Variants in SFMBT2 observed in about 807,000 individuals in gnomAD.
SFMBT2 encodes Scm like with four mbt domains 2.
SFMBT2 carries 38 observed loss-of-function variants against 110.1 expected under a neutral mutation model. The observed-to-expected ratio is 0.35, with a 90% CI of 0.27 to 0.45. The LOEUF is 0.45. Among genes scored for constraint, SFMBT2 ranks in the 20% least tolerant of loss-of-function variants. The pLI is 1.00. For synonymous variants in SFMBT2, 425 were observed against 425.4 expected, an observed-to-expected ratio of 1.00 and a Z score of 0.01; for missense variants, 1,011 against 1,094.9, an observed-to-expected ratio of 0.92 and a Z score of 1.08.
In SFMBT2 at chr10:7,316,883, A is replaced by AAC. The variant is rs34939303; in HGVS notation, c.437-30931_437-30930dup. ...ATGATAACCTCCCTCCCCACACATA[A>AAC]ACACACACACACACACATGCAAACC... On this transcript the variant is annotated intron_variant, in intron 4 of 20. Coordinates refer to ENST00000397167, the MANE Select transcript of SFMBT2 (RefSeq NM_001387889.1). Among the ~76,000 whole-genome samples the AAC allele has an allele frequency of 5.4e-4, 82 of 151,402 alleles. 1 individual carries two copies. The highest frequency in any genetic ancestry group is 8.1e-4 in the Non-Finnish European group (55 of 67,810).
intron 4 of SFMBT2, among the ~76,000 whole-genome samples, chr10:7,316,161 T>C (rs1006558876): frequency 6.6e-6 from 1 of 152,110 alleles, no homozygotes; most frequent in African/African-American, 2.4e-5. Flanking sequence ...ATGTTCTAAT[T>C]AGTGAATGGG....
chr10:7,200,508 A>C, intron 13 of SFMBT2, 24 bp from the exon 14 acceptor site: 1 of 1,578,680 alleles, frequency 6.3e-7, no homozygotes, highest in East Asian at 2.3e-5. Flanking sequence ...AAATAAAACT[A>C]TCAGGGACCA....
At chr10:7,226,111 C>T (rs896654556) in intron 10 of SFMBT2, among the ~76,000 whole-genome samples, 3 of 152,192 alleles carry the variant, frequency 2.0e-5, no homozygotes, top group African/African-American at 2.4e-5. Context: ...GGCAATCCTG[C>T]GGAGAGCCCG....
In SFMBT2 at chr10:7,186,475, A is replaced by ATATATATATAT. The variant is rs1345076690; in HGVS notation, c.1808+2148_1808+2149insATATATATATA. 8.8e-3 allele frequency among the ~76,000 whole-genome samples: 1,196 copies of ATATATATATAT among 136,236 alleles called. 11 individuals carry two copies. The highest frequency in any genetic ancestry group is 0.012 in the African/African-American group (395 of 33,802). 89.4% of individuals were successfully genotyped at this position (136,236 alleles called of 152,430 possible). ...ACACACACACATATATATATATATAAAAATATTTTATTTGTTGTAGAGACA... is the reference window on the plus strand; with the variant it reads ...ACACACACACATATATATATATATAATATATATATATAAATATTTTATTTGTTGTAGAGACA... On this transcript the variant is annotated intron_variant, in intron 16 of 20. Transcript: ENST00000397167.
intron 2 of SFMBT2, among the ~76,000 whole-genome samples, chr10:7,374,481 C>A (rs1289236593): frequency 1.3e-5 from 2 of 152,186 alleles, no homozygotes; most frequent in Non-Finnish European, 2.9e-5. Context: ...CCATACAATT[C>A]TAATCTATAC....
At chr10:7,294,390 A>C (rs1188180429) in intron 4 of SFMBT2, among the ~76,000 whole-genome samples, 1 of 152,222 alleles carries the variant, frequency 6.6e-6, no homozygotes, top group Non-Finnish European at 1.5e-5. Flanking sequence ...ATGTAACAGT[A>C]GGACTGGGCA....
chr10:7,202,601 C>T, intron 12 of SFMBT2, 79 bp from the exon 13 acceptor site: 1 of 1,607,624 alleles, frequency 6.2e-7, no homozygotes, highest in Non-Finnish European at 8.5e-7. Flanking sequence ...GGTTATAAAG[C>T]AAAGAGGTAC....
At chr10:7,309,039 T>G (rs1042072201) in intron 4 of SFMBT2, among the ~76,000 whole-genome samples, 3 of 152,132 alleles carry the variant, frequency 2.0e-5, no homozygotes, top group African/African-American at 7.2e-5. Flanking sequence ...GACCACGAGG[T>G]GCCCAGATAT....
At chr10:7,337,760 G>A (rs1843760790) in intron 4 of SFMBT2, among the ~76,000 whole-genome samples, 1 of 152,150 alleles carries the variant, frequency 6.6e-6, no homozygotes, top group African/African-American at 2.4e-5. Flanking sequence ...GACCATAAGA[G>A]CTCCTGTTCC....
chr10:7,378,750 TGA>T (rs1305020178), intron 2 of SFMBT2, among the ~76,000 whole-genome samples: 9 of 143,456 alleles, frequency 6.3e-5, no homozygotes, highest in Non-Finnish European at 1.2e-4. Flanking sequence ...TGGGGTGGTG[TGA>T]GTGTGGGTGT....
rs145084460 is a variant in SFMBT2 at position 7,182,545 on chromosome 10, T to A, written c.1808+6079A>T. ...TGGACTACTATGCAGCCATAAAAAATGATGAGTTCATGTCCTTGGTAGGGA... is the reference window on the plus strand; with the variant it reads ...TGGACTACTATGCAGCCATAAAAAAAGATGAGTTCATGTCCTTGGTAGGGA... On this transcript the variant is annotated intron_variant, in intron 16 of 20. Transcript: ENST00000397167. 4.0e-3 allele frequency among the ~76,000 whole-genome samples: 612 copies of A among 152,018 alleles called. 36 individuals are homozygous for A. The East Asian group carries it at 0.11, about 27-fold the overall frequency.
chr10:7,302,626 T>C (rs1274629707), intron 4 of SFMBT2, among the ~76,000 whole-genome samples: 1 of 152,192 alleles, frequency 6.6e-6, no homozygotes, highest in African/African-American at 2.4e-5. Context: ...CTAGTAAAAG[T>C]GATTGATTAC....
intron 4 of SFMBT2, among the ~76,000 whole-genome samples, chr10:7,302,013 G>A (rs751789436): frequency 9.9e-5 from 15 of 152,258 alleles, no homozygotes; most frequent in Non-Finnish European, 1.6e-4. Context: ...TATGGTCCCA[G>A]TCATAGGTCC....
chr10:7,391,876 A>G (rs1486838106), intron 1 of SFMBT2, among the ~76,000 whole-genome samples: 1 of 152,124 alleles, frequency 6.6e-6, no homozygotes, highest in African/African-American at 2.4e-5. Flanking sequence ...CGTCATTAAG[A>G]TTCTCTGAAA....
intron 20 of SFMBT2, chr10:7,164,280 A>G: frequency 1.6e-6 from 1 of 610,442 alleles, no homozygotes; most frequent in Non-Finnish European, 2.1e-6. Context: ...CCAGCTACTC[A>G]GAGGCTGAGG....
chr10:7,177,850 T>C (rs1174728027), intron 16 of SFMBT2, among the ~76,000 whole-genome samples: 2 of 128,606 alleles, frequency 1.6e-5, no homozygotes, highest in Non-Finnish European at 1.8e-5. Context: ...ACAGTGGGGC[T>C]CTGTCTCTTA....
chr10:7,331,259 T>C lies in SFMBT2; in HGVS notation c.436+36390A>G, dbSNP rs193115463. 2.4e-4 allele frequency among the ~76,000 whole-genome samples: 37 copies of C among 152,306 alleles called. No individual in the cohort carries two copies. In the South Asian group the frequency reaches 7.0e-3, roughly 29 times the overall value. ...TTTCATCACTCGATGGCACACACCA[T>C]TAATTCTCAACACACTGTCTAACCA... On this transcript the variant is annotated intron_variant, in intron 4 of 20. Coordinates refer to ENST00000397167, the MANE Select transcript of SFMBT2 (RefSeq NM_001387889.1).
chr10:7,211,567 C>A (rs1285283749), intron 11 of SFMBT2, among the ~76,000 whole-genome samples: 1 of 152,172 alleles, frequency 6.6e-6, no homozygotes. Flanking sequence ...CAAACAAACA[C>A]CTGTGGCGGG....
At chr10:7,312,555 C>T (rs745789118) in intron 4 of SFMBT2, among the ~76,000 whole-genome samples, 7 of 152,144 alleles carry the variant, frequency 4.6e-5, no homozygotes, top group Non-Finnish European at 7.3e-5. Flanking sequence ...GACAACCGGC[C>T]GGAGACAGCC....
Sources: allele counts gnomAD v4.1 joint callset (sites outside exome capture counted in the v4.1 genomes callset), GRCh38; gene constraint gnomAD v4.1.1; transcripts MANE v1.5; gene names NCBI Gene and HGNC (gene_info 2026-07-23, HGNC 2026-07-21).